Variants in TMC1 observed in about 807,000 individuals in gnomAD.
The protein encoded by TMC1 is transmembrane channel-like protein 1.
Under a neutral mutation model 105.8 loss-of-function variants are expected in TMC1, and 84 were observed. The ratio of observed to expected loss-of-function variants is 0.79; its 90% CI spans 0.67 to 0.95. The LOEUF is 0.95. Ranked by LOEUF, TMC1 falls within the 40% of genes least tolerant of loss-of-function variation. The pLI, the probability that TMC1 is intolerant of heterozygous loss-of-function variation, is 0.00. For missense variants in TMC1, 817 were observed against 914.1 expected, an observed-to-expected ratio of 0.89 and a Z score of 1.37; for synonymous variants, 315 against 311.5, an observed-to-expected ratio of 1.01 and a Z score of -0.12.
chr9:72,633,685 T>G (rs1825486199), intron 4 of TMC1, among the ~76,000 whole-genome samples: 1 of 152,216 alleles, frequency 6.6e-6, no homozygotes, highest in African/African-American at 2.4e-5. Flanking sequence ...TTACATGTTC[T>G]GAAAAAAAAT....
chr9:72,700,128 G>A (rs1466425496), intron 7 of TMC1, among the ~76,000 whole-genome samples: 2 of 151,306 alleles, frequency 1.3e-5, no homozygotes, highest in African/African-American at 4.9e-5. Flanking sequence ...GGTGGTGGGC[G>A]CCTGTAATCC....
chr9:72,567,899 T>C (rs888046935), intron 1 of TMC1, among the ~76,000 whole-genome samples: 3 of 152,116 alleles, frequency 2.0e-5, no homozygotes, highest in Non-Finnish European at 4.4e-5. Context: ...CTAAAAATTG[T>C]TTATCATCTT....
chr9:72,674,778 C>A (rs1826175627), intron 5 of TMC1, among the ~76,000 whole-genome samples: 2 of 152,254 alleles, frequency 1.3e-5, no homozygotes, highest in South Asian at 4.1e-4. Context: ...GAGAGAGTGG[C>A]AGAATTCAAC....
chr9:72,571,442 CTT>C (rs35382914), intron 1 of TMC1, among the ~76,000 whole-genome samples: 81 of 139,084 alleles, frequency 5.8e-4, no homozygotes, highest in South Asian at 3.6e-3. Flanking sequence ...CAACCTCACG[CTT>C]TTTTTTTTTT....
chr9:72,719,879 CA>C (rs1826992555), intron 8 of TMC1, among the ~76,000 whole-genome samples: 1 of 152,210 alleles, frequency 6.6e-6, no homozygotes, highest in South Asian at 2.1e-4. Context: ...TTTTGTCCAT[CA>C]AAAGGTAACA....
intron 2 of TMC1, among the ~76,000 whole-genome samples, chr9:72,591,101 A>G (rs1323704956): frequency 2.0e-5 from 3 of 152,216 alleles, no homozygotes; most frequent in African/African-American, 4.8e-5. Context: ...GGTCAGTGTG[A>G]TGAAGATGGG....
chr9:72,705,133 G>A (rs1826714877), intron 8 of TMC1, among the ~76,000 whole-genome samples: 1 of 152,014 alleles, frequency 6.6e-6, no homozygotes, highest in Admixed American at 6.6e-5. Context: ...CCTATAAGAG[G>A]TCGCAGCACT....
intron 1 of TMC1, among the ~76,000 whole-genome samples, chr9:72,566,988 C>T (rs926184982): frequency 6.6e-6 from 1 of 152,208 alleles, no homozygotes; most frequent in African/African-American, 2.4e-5. Flanking sequence ...TTGCTCTTCT[C>T]TTTGCCCTCA....
chr9:72,617,548 C>T (rs905669195), intron 3 of TMC1, among the ~76,000 whole-genome samples: 6 of 152,060 alleles, frequency 3.9e-5, no homozygotes, highest in Non-Finnish European at 5.9e-5. Context: ...TGAGATAATA[C>T]CAAATGGCAT....
intron 5 of TMC1, among the ~76,000 whole-genome samples, chr9:72,674,825 C>A (rs542695797): frequency 6.6e-6 from 1 of 152,124 alleles, no homozygotes; most frequent in East Asian, 1.9e-4. Flanking sequence ...GGTCTTTGTC[C>A]ATGGAATCCA....
chr9:72,754,860 C>T lies in TMC1; in HGVS notation c.717C>T (p.Asn239=), dbSNP rs988599363. Residue 239 remains asparagine, a synonymous_variant, in exon 12 of 24, where the codon AAC becomes AAT. Coordinates refer to ENST00000297784, the MANE Select transcript of TMC1 (RefSeq NM_138691.3). ...GAGCCGAAGAGGCATCGGCAGCAAA[C>T]TTTGGTGTGTTGTACGACTTCAATG... ...VPRAEEASAA[N]FGVLYDFNGL... is the part of the protein sequence containing the mutation. The T allele has an allele frequency of 6.2e-7, 1 of 1,613,956 alleles. No individual in the cohort carries two copies. The highest frequency in any genetic ancestry group is 1.3e-5 in the African/African-American group (1 of 74,928).
intron 5 of TMC1, among the ~76,000 whole-genome samples, chr9:72,681,197 C>A (rs1366322723): frequency 6.6e-6 from 1 of 151,986 alleles, no homozygotes; most frequent in Non-Finnish European, 1.5e-5. Flanking sequence ...AGTGGTTGCC[C>A]TTTATGGTGG....
At chr9:72,657,507 TA>T (rs1331713534) in intron 5 of TMC1, among the ~76,000 whole-genome samples, 2 of 152,226 alleles carry the variant, frequency 1.3e-5, no homozygotes, top group Non-Finnish European at 2.9e-5. Flanking sequence ...TTAGTTATCA[TA>T]ATTTTACATG....
At chr9:72,829,174 G>A (rs1381523752) in intron 21 of TMC1, among the ~76,000 whole-genome samples, 1 of 152,038 alleles carries the variant, frequency 6.6e-6, no homozygotes, top group Non-Finnish European at 1.5e-5. Flanking sequence ...TATTTTTGGG[G>A]CCCATACAAT....
At chr9:72,702,061 G>A (rs1368421487) in intron 8 of TMC1, among the ~76,000 whole-genome samples, 1 of 152,100 alleles carries the variant, frequency 6.6e-6, no homozygotes, top group Non-Finnish European at 1.5e-5. Flanking sequence ...TAAATTATAG[G>A]TTTTAAAAAT....
chr9:72,830,325 A>G lies in TMC1; in HGVS notation c.2130-126A>G, dbSNP rs922920866. ...CTTTTATCTATAAGACAAGAGATTT[A>G]GAGTAGAAGATAGCTTAATGTTCAT... On this transcript the variant is annotated intron_variant, in intron 21 of 23. Transcript: ENST00000297784. 4 of 727,078 alleles carry G rather than the reference A, an allele frequency of 5.5e-6. No homozygotes were observed. The South Asian group carries it at 6.7e-5, about 12-fold the overall frequency. The allele number at this position is 727,078 out of a possible 1,614,324, so 45.0% of individuals were successfully genotyped here.
chr9:72,797,705 A>G (rs1371780001), intron 17 of TMC1, among the ~76,000 whole-genome samples: 2 of 152,212 alleles, frequency 1.3e-5, no homozygotes, highest in African/African-American at 4.8e-5. Context: ...TACACCATGT[A>G]TAAAAATTAA....
intron 1 of TMC1, among the ~76,000 whole-genome samples, chr9:72,568,966 C>G (rs139502585): frequency 2.2e-4 from 33 of 152,022 alleles, no homozygotes; most frequent in African/African-American, 7.7e-4. Context: ...CAAGATAATC[C>G]AAGAAAAACA....
chr9:72,603,208 T>C (rs1386933238), intron 2 of TMC1, among the ~76,000 whole-genome samples: 1 of 152,176 alleles, frequency 6.6e-6, no homozygotes, highest in Non-Finnish European at 1.5e-5. Context: ...CATACTTCAT[T>C]GGCTTATTAA....
Sources: allele counts gnomAD v4.1 joint callset (sites outside exome capture counted in the v4.1 genomes callset), GRCh38; gene constraint gnomAD v4.1.1; transcripts MANE v1.5; gene names NCBI Gene and HGNC (gene_info 2026-07-23, HGNC 2026-07-21).